The following BMPR2 variants were observed in gnomAD, a reference collection of about 807,000 sequenced individuals.
BMPR2 encodes the protein bone morphogenetic protein receptor type-2.
BMPR2 carries 29 observed loss-of-function variants against 100.8 expected under a neutral mutation model. The observed-to-expected ratio is 0.29, with a 90% confidence interval of 0.21 to 0.39. The LOEUF (loss-of-function observed/expected upper bound fraction) is 0.39. BMPR2 is among the 10% of genes least tolerant of loss of function. BMPR2 has a pLI of 1.00. For synonymous variants in BMPR2, 382 were observed against 442.3 expected, an observed-to-expected ratio of 0.86 and a Z score of 1.71; for missense variants, 1,011 against 1,274.5, an observed-to-expected ratio of 0.79 and a Z score of 3.15.
intron 1 of BMPR2, among the ~76,000 whole-genome samples, chr2:202,437,225 T>C (rs1441445911): frequency 2.7e-5 from 4 of 150,102 alleles, no homozygotes; most frequent in African/African-American, 1.0e-4. Context: ...AGGCTGGTCT[T>C]AAACTCCTGA....
rs187036953 is a variant in BMPR2, at chr2:202,411,983, G to A, written c.76+34433G>A. On this transcript the variant is annotated intron_variant, in intron 1 of 12. Coordinates refer to ENST00000374580, the MANE Select transcript of BMPR2 (RefSeq NM_001204.7). ...GGGAAAATTGATGAAATTCAAATGA[G>A]ATCTTATATTGAAGTTAATTGTGTC... Among the ~76,000 whole-genome samples the A allele has an allele frequency of 2.5e-3, 375 of 152,228 alleles. 1 individual carries two copies. The highest frequency in any genetic ancestry group is 0.014 in the Middle Eastern group (4 of 294).
At chr2:202,435,026 G>A (rs1210622466) in intron 1 of BMPR2, among the ~76,000 whole-genome samples, 2 of 143,654 alleles carry the variant, frequency 1.4e-5, no homozygotes, top group African/African-American at 2.7e-5. Context: ...ACCCGCCTGG[G>A]CAACATGGTG....
intron 1 of BMPR2, among the ~76,000 whole-genome samples, chr2:202,397,256 A>G (rs189729918): frequency 2.7e-4 from 41 of 152,338 alleles, no homozygotes; most frequent in Non-Finnish European, 7.3e-5. Context: ...GGAAAAAAAC[A>G]CTGCCAAGTA....
chr2:202,404,005 C>CAAA (rs536716050), intron 1 of BMPR2, among the ~76,000 whole-genome samples: 4 of 93,700 alleles, frequency 4.3e-5, no homozygotes, highest in Admixed American at 2.1e-4. Flanking sequence ...AACTCCGTCT[C>CAAA]AAAAAAAAAA....
chr2:202,479,287 C>A (rs1692612750), intron 3 of BMPR2, among the ~76,000 whole-genome samples: 1 of 152,132 alleles, frequency 6.6e-6, no homozygotes, highest in African/African-American at 2.4e-5. Flanking sequence ...AATTTGTGAA[C>A]CCTGCCAACA....
chr2:202,567,442 T>C lies in BMPR2; in HGVS notation c.*7496T>C, dbSNP rs144181329. Reference sequence around the variant, plus strand: ...TAATTTCAGTTATTTTGCTTTTGTATAAGCTGTCTGAAGCCTTGCTATGCT... The same window carrying C: ...TAATTTCAGTTATTTTGCTTTTGTACAAGCTGTCTGAAGCCTTGCTATGCT... On this transcript the variant is annotated 3_prime_UTR_variant, in exon 13 of 13. Transcript: ENST00000374580. The C allele has an allele frequency of 3.3e-5, 5 of 152,796 alleles. No individual in the cohort carries two copies. Among genetic ancestry groups the C allele is most frequent in the African/African-American group, 1.2e-4 (5 of 41,592 alleles). 9.5% of individuals were successfully genotyped at this position (152,796 alleles called of 1,614,324 possible). A position where few individuals can be genotyped will look rare whatever the true frequency, so the allele number is the denominator to read the frequency against.
At chr2:202,556,620 C>A in intron 12 of BMPR2, 89 bp downstream of exon 12, 1 of 1,428,986 alleles carries the variant, frequency 7.0e-7, no homozygotes, top group Non-Finnish European at 9.6e-7. Flanking sequence ...TATATTTCAA[C>A]TAGTGATTAT....
At chr2:202,419,460 G>A (rs1315934922) in intron 1 of BMPR2, among the ~76,000 whole-genome samples, 1 of 152,062 alleles carries the variant, frequency 6.6e-6, no homozygotes, top group African/African-American at 2.4e-5. Flanking sequence ...AGGTTTAAGC[G>A]ATTCTCTTGC....
intron 10 of BMPR2, among the ~76,000 whole-genome samples, chr2:202,550,151 C>T (rs1423507724): frequency 1.3e-5 from 2 of 151,690 alleles, no homozygotes; most frequent in East Asian, 1.9e-4. Context: ...GGGCGGATCA[C>T]GAGGTCAGGA....
chr2:202,500,615 G>A (rs1452993257), intron 3 of BMPR2, among the ~76,000 whole-genome samples: 2 of 152,188 alleles, frequency 1.3e-5, no homozygotes, highest in African/African-American at 4.8e-5. Flanking sequence ...ACAGAATATT[G>A]TTAAACATTT....
intron 3 of BMPR2, chr2:202,469,548 C>T (rs983547970): frequency 4.8e-5 from 14 of 292,288 alleles, no homozygotes; most frequent in South Asian, 5.9e-5. Flanking sequence ...GGCACGATCC[C>T]GGCTCACTGC....
At chr2:202,529,588 T>C (rs1687980058) in intron 7 of BMPR2, among the ~76,000 whole-genome samples, 1 of 152,186 alleles carries the variant, frequency 6.6e-6, no homozygotes, top group Non-Finnish European at 1.5e-5. Flanking sequence ...GGAGCCAAGT[T>C]AATACAAGCT....
In BMPR2 at chr2:202,556,343, G is replaced by C; in HGVS notation, c.2678G>C (p.Arg893Pro). The change falls in exon 12 of 13, where the codon CGG (arginine) becomes CCG (proline). Residue 893 changes from arginine (R) to proline (P), a missense_variant. Coordinates refer to ENST00000374580, the MANE Select transcript of BMPR2 (RefSeq NM_001204.7). Reference sequence around the variant, plus strand: ...GATCGTCTTGTGGACAGGAGGGAACGGCCACTAGAAGGTGGCCGAACTAAT... The same window carrying C: ...GATCGTCTTGTGGACAGGAGGGAACCGCCACTAGAAGGTGGCCGAACTAAT... ...VLDRLVDRRE[R>P]PLEGGRTNSN... is the part of the protein sequence containing the mutation. 15 of 1,614,174 alleles carry C rather than the reference G, an allele frequency of 9.3e-6. No homozygotes were observed. Among genetic ancestry groups the C allele is most frequent in the Non-Finnish European group, 1.3e-5 (15 of 1,180,032 alleles).
chr2:202,458,445 G>A lies in BMPR2; in HGVS notation c.77-6364G>A, dbSNP rs574816499. On this transcript the variant is annotated intron_variant, in intron 1 of 12. Transcript: ENST00000374580. The stretch of plus-strand genomic sequence containing the variant: ...AGGTTGTGCCACTGCACTCAAGCTG[G>A]GCAATATTACTGAGACCCTGTCTCA... Among the ~76,000 whole-genome samples, 5 of 152,084 alleles carry A rather than the reference G, an allele frequency of 3.3e-5. No individual in the cohort carries two copies. In the South Asian group the frequency reaches 1.0e-3, roughly 32 times the overall value.
intron 3 of BMPR2, among the ~76,000 whole-genome samples, chr2:202,502,395 A>G (rs768381117): frequency 5.3e-5 from 8 of 152,086 alleles, no homozygotes; most frequent in Non-Finnish European, 1.2e-4. Context: ...GAGAAGAGAC[A>G]AAGAAGTCAG....
In BMPR2 at chr2:202,532,086, C is replaced by T. The variant is rs1186815984; in HGVS notation, c.1129-499C>T. On this transcript the variant is annotated intron_variant, in intron 8 of 12. Coordinates refer to ENST00000374580, the MANE Select transcript of BMPR2 (RefSeq NM_001204.7). This position sits in a 1 kb window ranked among gnomAD's most constrained non-coding sequence, Gnocchi z 4.1. ...TCCTGAGTAGCTGGGACTACAGGCACCCACCACCATGCCTGGTTAATTTTT... is the reference window on the plus strand; with the variant it reads ...TCCTGAGTAGCTGGGACTACAGGCATCCACCACCATGCCTGGTTAATTTTT... Among the ~76,000 whole-genome samples, 1 of 151,396 alleles carries T rather than the reference C, an allele frequency of 6.6e-6. No homozygotes were observed. The highest frequency in any genetic ancestry group is 6.6e-5 in the Admixed American group (1 of 15,140).
At chr2:202,492,080 C>A (rs1692913022) in intron 3 of BMPR2, among the ~76,000 whole-genome samples, 1 of 151,906 alleles carries the variant, frequency 6.6e-6, no homozygotes, top group Non-Finnish European at 1.5e-5. Context: ...ATATAAAATT[C>A]AGAAATAGGC....
At chr2:202,425,930 G>A (rs1010554295) in intron 1 of BMPR2, among the ~76,000 whole-genome samples, 2 of 152,164 alleles carry the variant, frequency 1.3e-5, no homozygotes, top group African/African-American at 2.4e-5. Context: ...TGTAACATAT[G>A]TAATCAAGTA....
Position 202,376,944 on chromosome 2 carries a change from C to G in BMPR2, c.-531C>G, listed in dbSNP as rs1690158933. 2 of 445,870 alleles carry G rather than the reference C, an allele frequency of 4.5e-6. No individual in the cohort carries two copies. The highest frequency in any genetic ancestry group is 7.8e-6 in the Non-Finnish European group (2 of 254,892). 27.6% of individuals were successfully genotyped at this position (445,870 alleles called of 1,614,324 possible). On this transcript the variant is annotated 5_prime_UTR_variant, in exon 1 of 13. Transcript: ENST00000374580. ...TTCGAAATCAGAGTGAAGGAAGCAC[C>G]GAAGCGAAACTTAAGGAATCCTGCC...
Sources: gnomAD v4.1 joint callset for allele counts (sites outside exome capture counted in the v4.1 genomes callset) on GRCh38, gnomAD v4.1.1 for gene constraint, Gnocchi (gnomAD v3.1) non-coding constraint, MANE v1.5 for transcripts, NCBI Gene and HGNC (gene_info 2026-07-23, HGNC 2026-07-21) for gene names.